The following B3GALT1 variants were observed in gnomAD, a reference collection of about 807,000 sequenced individuals.
B3GALT1 encodes the protein UDP-Gal:betaGlcNAc beta 1,3-galactosyltransferase, polypeptide 1.
Under a neutral mutation model 23.2 loss-of-function variants are expected in B3GALT1, and 10 were observed. That is an observed-to-expected ratio of 0.43 (90% CI 0.27 to 0.73). The LOEUF is 0.73. B3GALT1 is among the 30% of genes least tolerant of loss of function. The probability of loss-of-function intolerance (pLI) is 0.21; values close to 1 mark genes in which losing one functional copy is unlikely to be tolerated. For missense variants in B3GALT1, 299 were observed against 405.4 expected (o/e 0.74, Z 2.25); for synonymous variants, 156 against 141.5 (o/e 1.10, Z -0.73).
chr2:167,827,737 C>T (rs1202575538), intron 4 of B3GALT1, among the ~76,000 whole-genome samples: 1 of 152,188 alleles, frequency 6.6e-6, no homozygotes. Flanking sequence ...GGAATGGAAA[C>T]CAGAGCATTA....
At chr2:167,317,231 A>G (rs1696733717) in intron 1 of B3GALT1, among the ~76,000 whole-genome samples, 1 of 152,150 alleles carries the variant, frequency 6.6e-6, no homozygotes, top group South Asian at 2.1e-4. Flanking sequence ...ATAAATGAAC[A>G]TTGCAGACAA....
At chr2:167,626,696 A>G (rs1685353603) in intron 2 of B3GALT1, among the ~76,000 whole-genome samples, 1 of 151,802 alleles carries the variant, frequency 6.6e-6, no homozygotes, top group African/African-American at 2.4e-5. Flanking sequence ...TTAAACATTG[A>G]AAAAATATAA....
At chr2:167,811,910 A>C (rs367924442) in intron 3 of B3GALT1, among the ~76,000 whole-genome samples, 1 of 152,184 alleles carries the variant, frequency 6.6e-6, no homozygotes, top group Non-Finnish European at 1.5e-5. Flanking sequence ...TGCTGTTTCA[A>C]CTGTCTATAG....
At chr2:167,570,609 AT>A (rs1401320842) in intron 2 of B3GALT1, among the ~76,000 whole-genome samples, 1 of 151,974 alleles carries the variant, frequency 6.6e-6, no homozygotes, top group Non-Finnish European at 1.5e-5. Flanking sequence ...AATACTCAGC[AT>A]TTTTTTAGCT....
intron 3 of B3GALT1, among the ~76,000 whole-genome samples, chr2:167,716,815 A>G (rs1475250105): frequency 6.6e-6 from 1 of 152,108 alleles, no homozygotes. Flanking sequence ...CATAGTGTTT[A>G]TAGTGTATCT....
At chr2:167,861,709 C>T (rs1690103845) in intron 4 of B3GALT1, among the ~76,000 whole-genome samples, 1 of 152,156 alleles carries the variant, frequency 6.6e-6, no homozygotes, top group African/African-American at 2.4e-5. Context: ...CCGATTATCC[C>T]CCTTACCACT....
At chr2:167,496,321 C>T (rs1312435579) in intron 2 of B3GALT1, among the ~76,000 whole-genome samples, 3 of 152,010 alleles carry the variant, frequency 2.0e-5, no homozygotes, top group Admixed American at 6.5e-5. Flanking sequence ...TTGACTTGGC[C>T]TTACAGTGAA....
intron 3 of B3GALT1, among the ~76,000 whole-genome samples, chr2:167,672,411 A>C (rs2105484827): frequency 6.6e-6 from 1 of 152,324 alleles, no homozygotes; most frequent in Admixed American, 6.5e-5. Flanking sequence ...CCTCTGATCT[A>C]GCCCTAAAAA....
At chr2:167,695,278 T>G (rs1686775226) in intron 3 of B3GALT1, among the ~76,000 whole-genome samples, 1 of 152,164 alleles carries the variant, frequency 6.6e-6, no homozygotes, top group Non-Finnish European at 1.5e-5. Flanking sequence ...TCTTCTACCT[T>G]TTGTTCCTAT....
intron 1 of B3GALT1, among the ~76,000 whole-genome samples, chr2:167,299,357 G>T (rs1308203750): frequency 6.6e-6 from 1 of 152,186 alleles, no homozygotes; most frequent in East Asian, 1.9e-4. Context: ...CCATGGCTTT[G>T]TGAATAGGGC....
chr2:167,783,510 AG>A (rs56131257), intron 3 of B3GALT1, among the ~76,000 whole-genome samples: 14,528 of 152,200 alleles, frequency 0.095, 921 homozygotes, highest in Middle Eastern at 0.19. Context: ...TGGAATCTGA[AG>A]AAAAAAAGGA....
At chr2:167,674,850 ATATG>A in intron 3 of B3GALT1, among the ~76,000 whole-genome samples, 1 of 152,320 alleles carries the variant, frequency 6.6e-6, no homozygotes, top group South Asian at 2.1e-4. Context: ...CATATTTGTG[ATATG>A]TATATAAAAT....
At chr2:167,401,383 A>G (rs1196299574) in intron 1 of B3GALT1, among the ~76,000 whole-genome samples, 1 of 152,064 alleles carries the variant, frequency 6.6e-6, no homozygotes, top group African/African-American at 2.4e-5. Context: ...CTCAATGGAA[A>G]CTTTTGTGAA....
At chr2:167,866,710 G>A (rs1402963975) in intron 4 of B3GALT1, among the ~76,000 whole-genome samples, 2 of 152,196 alleles carry the variant, frequency 1.3e-5, no homozygotes, top group Non-Finnish European at 2.9e-5. Context: ...TCCAGGAGAG[G>A]CTTTTGGGGA....
intron 1 of B3GALT1, among the ~76,000 whole-genome samples, chr2:167,325,336 A>T (rs1260642781): frequency 2.6e-5 from 4 of 152,218 alleles, no homozygotes; most frequent in African/African-American, 9.6e-5. Flanking sequence ...TAGGCTGGTC[A>T]GGAAGCATGG....
At chr2:167,605,082 AG>A (rs1397630351) in intron 2 of B3GALT1, among the ~76,000 whole-genome samples, 1 of 152,122 alleles carries the variant, frequency 6.6e-6, no homozygotes, top group African/African-American at 2.4e-5. Flanking sequence ...TTTTTGGCAA[AG>A]CGCCTACTTC....
chr2:167,653,387 T>C (rs1685899413), intron 3 of B3GALT1, among the ~76,000 whole-genome samples: 1 of 152,150 alleles, frequency 6.6e-6, no homozygotes, highest in Non-Finnish European at 1.5e-5. Context: ...GAAAATTCCA[T>C]GAGTTCTTTT....
chr2:167,837,490 A>G (rs2105390859), intron 4 of B3GALT1, among the ~76,000 whole-genome samples: 1 of 151,746 alleles, frequency 6.6e-6, no homozygotes, highest in East Asian at 1.9e-4. Context: ...TCCTAAATAT[A>G]TATGCACCCA....
chr2:167,579,443 TTTTTC>T (rs1236482774), intron 2 of B3GALT1, among the ~76,000 whole-genome samples: 1 of 146,972 alleles, frequency 6.8e-6, no homozygotes, highest in African/African-American at 2.6e-5. Context: ...TTTTTTTTTT[TTTTTC>T]CATTTAAATT....
Sources: allele counts gnomAD v4.1 joint callset (sites outside exome capture counted in the v4.1 genomes callset), GRCh38; gene constraint gnomAD v4.1.1; transcripts MANE v1.5; gene names NCBI Gene and HGNC (gene_info 2026-07-23, HGNC 2026-07-21).